SLC35F1: variants seen among roughly 807,000 people sequenced by gnomAD.
SLC35F1 encodes the protein solute carrier family 35 member F1, also known as chromosome 6 open reading frame 169.
Under a neutral mutation model 48.7 loss-of-function variants are expected in SLC35F1, and 14 were observed. The observed-to-expected ratio is 0.29, with a 90% CI of 0.19 to 0.45. The LOEUF is 0.45. Ranked by LOEUF, SLC35F1 falls within the 20% of genes least tolerant of loss-of-function variation. The pLI is 1.00. For synonymous variants in SLC35F1, 190 were observed against 202.2 expected, an observed-to-expected ratio of 0.94 and a Z score of 0.51; for missense variants, 404 against 500.0, an observed-to-expected ratio of 0.81 and a Z score of 1.83.
chr6:118,220,161 TATA>T (rs1183741646), intron 2 of SLC35F1, among the ~76,000 whole-genome samples: 1 of 151,974 alleles, frequency 6.6e-6, no homozygotes, highest in Non-Finnish European at 1.5e-5. Context: ...GAACTTAAAG[TATA>T]ATAATAAAAA....
intron 1 of SLC35F1, among the ~76,000 whole-genome samples, chr6:118,024,532 G>T (rs9387538): frequency 0.29 from 43,602 of 151,962 alleles, 7,033 homozygotes; most frequent in South Asian, 0.46. Context: ...GAAGAGAGAA[G>T]AATTTAAGAA....
At chr6:117,965,732 G>A (rs1178155000) in intron 1 of SLC35F1, among the ~76,000 whole-genome samples, 1 of 152,212 alleles carries the variant, frequency 6.6e-6, no homozygotes, top group Non-Finnish European at 1.5e-5. Flanking sequence ...CACAGTTCTG[G>A]TGTTGGCAGT....
At chr6:117,996,685 C>T (rs1335785972) in intron 1 of SLC35F1, among the ~76,000 whole-genome samples, 1 of 152,172 alleles carries the variant, frequency 6.6e-6, no homozygotes, top group Non-Finnish European at 1.5e-5. Flanking sequence ...CTGGAGTGGA[C>T]CTCTAGCAAA....
chr6:118,066,631 T>G (rs1431275781), intron 1 of SLC35F1, among the ~76,000 whole-genome samples: 1 of 152,152 alleles, frequency 6.6e-6, no homozygotes. Flanking sequence ...GTGTGTTGTT[T>G]TAAGCTACTA....
At chr6:118,097,644 G>T (rs1330927495) in intron 1 of SLC35F1, among the ~76,000 whole-genome samples, 1 of 152,172 alleles carries the variant, frequency 6.6e-6, no homozygotes, top group African/African-American at 2.4e-5. Context: ...ATTGCTTTAT[G>T]CAGGAAATTG....
rs1257997163 is a variant in SLC35F1 at position 118,309,931 on chromosome 6, A to G, written c.1003-4097A>G. ...TCTCAGTCAGATTGTTTTAAGCAGCACTCGGGGATTTTCATTATGTGCAGT... is the reference window on the plus strand; with the variant it reads ...TCTCAGTCAGATTGTTTTAAGCAGCGCTCGGGGATTTTCATTATGTGCAGT... On this transcript the variant is annotated intron_variant, in intron 7 of 7. Coordinates refer to ENST00000360388, the MANE Select transcript of SLC35F1 (RefSeq NM_001029858.4). Among the ~76,000 whole-genome samples, 5 of 152,238 alleles carry G rather than the reference A, an allele frequency of 3.3e-5. No individual in the cohort carries two copies. The East Asian group carries it at 9.7e-4, about 29-fold the overall frequency.
At chr6:118,176,021 G>A (rs1430305680) in intron 2 of SLC35F1, among the ~76,000 whole-genome samples, 4 of 152,042 alleles carry the variant, frequency 2.6e-5, no homozygotes, top group South Asian at 4.1e-4. Flanking sequence ...AGTATTTTGA[G>A]CTCATTGGAT....
chr6:117,971,954 T>C (rs1374405595), intron 1 of SLC35F1, among the ~76,000 whole-genome samples: 1 of 152,236 alleles, frequency 6.6e-6, no homozygotes, highest in African/African-American at 2.4e-5. Flanking sequence ...TGATTAACAT[T>C]TGGCTCTTCA....
At chr6:118,046,191 C>A (rs574170575) in intron 1 of SLC35F1, among the ~76,000 whole-genome samples, 2 of 152,244 alleles carry the variant, frequency 1.3e-5, no homozygotes, top group African/African-American at 4.8e-5. Flanking sequence ...TAAATGAATA[C>A]CTTTTCATAT....
At chr6:118,093,293 G>A (rs1463428075) in intron 1 of SLC35F1, among the ~76,000 whole-genome samples, 1 of 152,060 alleles carries the variant, frequency 6.6e-6, no homozygotes, top group Non-Finnish European at 1.5e-5. Context: ...TCCAGCCTGG[G>A]TGACAGAGCG....
chr6:118,268,819 A>G (rs1443650165), intron 4 of SLC35F1, among the ~76,000 whole-genome samples: 3 of 151,964 alleles, frequency 2.0e-5, no homozygotes, highest in Non-Finnish European at 4.4e-5. Flanking sequence ...CACATTGACC[A>G]GGCTAGTCTT....
intron 1 of SLC35F1, among the ~76,000 whole-genome samples, chr6:117,937,912 G>A (rs775515009): frequency 6.6e-6 from 1 of 152,102 alleles, no homozygotes; most frequent in African/African-American, 2.4e-5. Context: ...GAAGAGAAGA[G>A]TTAGGTCATA....
At chr6:118,287,844 G>A (rs1431819504) in intron 7 of SLC35F1, among the ~76,000 whole-genome samples, 1 of 152,164 alleles carries the variant, frequency 6.6e-6, no homozygotes, top group Non-Finnish European at 1.5e-5. Flanking sequence ...CCTGTCATTT[G>A]TATATTACTA....
intron 2 of SLC35F1, among the ~76,000 whole-genome samples, chr6:118,180,469 G>A (rs1774558524): frequency 1.3e-5 from 2 of 152,026 alleles, no homozygotes; most frequent in African/African-American, 2.4e-5. Flanking sequence ...AGTTTTCATT[G>A]TATGACACGG....
chr6:117,923,758 C>CACGTGTGTATATACAT (rs1554216764), intron 1 of SLC35F1, among the ~76,000 whole-genome samples: 2 of 51,832 alleles, frequency 3.9e-5, no homozygotes, highest in African/African-American at 1.2e-4. Flanking sequence ...TACATATATA[C>CACGTGTGTATATACAT]ATATGCACAT....
intron 3 of SLC35F1, among the ~76,000 whole-genome samples, chr6:118,261,493 G>A (rs934461857): frequency 4.6e-5 from 7 of 152,156 alleles, no homozygotes; most frequent in African/African-American, 1.7e-4. Flanking sequence ...TTAAATTAAA[G>A]TGCACAGTGT....
chr6:117,965,178 T>C (rs1562249972), intron 1 of SLC35F1, among the ~76,000 whole-genome samples: 1 of 152,180 alleles, frequency 6.6e-6, no homozygotes. Context: ...TTTCTATGTT[T>C]ATTCAAAATA....
intron 1 of SLC35F1, among the ~76,000 whole-genome samples, chr6:118,008,337 GGAA>G (rs1464640719): frequency 6.6e-6 from 1 of 152,144 alleles, no homozygotes; most frequent in Admixed American, 6.5e-5. Context: ...TGCCTGCAAG[GGAA>G]GAAGATTATG....
chr6:117,993,798 G>T (rs1013099719), intron 1 of SLC35F1, among the ~76,000 whole-genome samples: 1 of 152,150 alleles, frequency 6.6e-6, no homozygotes, highest in Non-Finnish European at 1.5e-5. Context: ...CTCAATTCAG[G>T]TTTGCTGTAA....
Sources: gnomAD v4.1 joint callset for allele counts (sites outside exome capture counted in the v4.1 genomes callset) on GRCh38, gnomAD v4.1.1 for gene constraint, MANE v1.5 for transcripts, NCBI Gene and HGNC (gene_info 2026-07-23, HGNC 2026-07-21) for gene names.